The following SH3PXD2A variants were observed in gnomAD, a reference collection of about 807,000 sequenced individuals.
SH3PXD2A encodes the protein SH3 and PX domain-containing protein 2A.
Under a neutral mutation model 115.2 loss-of-function variants are expected in SH3PXD2A, and 32 were observed. That is an observed-to-expected ratio of 0.28 (90% CI 0.21 to 0.37). The LOEUF (loss-of-function observed/expected upper bound fraction) is 0.37. Among genes scored for constraint, SH3PXD2A ranks in the 10% least tolerant of loss-of-function variants. The pLI is 1.00. For synonymous variants in SH3PXD2A, 610 were observed against 629.1 expected, an observed-to-expected ratio of 0.97 and a Z score of 0.45; for missense variants, 1,328 against 1,498.7, an observed-to-expected ratio of 0.89 and a Z score of 1.88.
intron 1 of SH3PXD2A, among the ~76,000 whole-genome samples, chr10:103,845,574 C>T (rs1319326505): frequency 6.6e-6 from 1 of 152,170 alleles, no homozygotes; most frequent in Admixed American, 6.5e-5. Flanking sequence ...AGCATATCAT[C>T]AGGAAATAAC....
intron 8 of SH3PXD2A, among the ~76,000 whole-genome samples, chr10:103,646,307 G>T (rs2037035314): frequency 6.6e-6 from 1 of 152,022 alleles, no homozygotes; most frequent in Admixed American, 6.5e-5. Flanking sequence ...TTGTCTTCTT[G>T]GTTCCCAAGA....
At chr10:103,854,997 G>T (rs1207059110) in intron 1 of SH3PXD2A, among the ~76,000 whole-genome samples, 198 bp downstream of exon 1, 2 of 152,162 alleles carry the variant, frequency 1.3e-5, no homozygotes, top group South Asian at 2.1e-4. Context: ...AAAGAAACCG[G>T]GGGGGCGGGG....
At chr10:103,852,292 A>G (rs1466790497) in intron 1 of SH3PXD2A, among the ~76,000 whole-genome samples, 2 of 152,174 alleles carry the variant, frequency 1.3e-5, no homozygotes, top group African/African-American at 2.4e-5. Context: ...AAAGCACAGG[A>G]CCCTTCGTGT....
chr10:103,679,759 TTGGTCTGTTG>T (rs1041622514), intron 6 of SH3PXD2A, among the ~76,000 whole-genome samples: 4 of 152,180 alleles, frequency 2.6e-5, no homozygotes, highest in African/African-American at 9.7e-5. Flanking sequence ...CAGTCTTAGT[TTGGTCTGTTG>T]TCACCAGCCT....
At position 103,601,061 on chromosome 10, in the gene SH3PXD2A, C is replaced by G. The variant is rs1166811512; in HGVS notation, c.*755G>C. 1 of 152,280 alleles carries G rather than the reference C, an allele frequency of 6.6e-6. No homozygotes were observed. Among genetic ancestry groups the G allele is most frequent in the Non-Finnish European group, 1.5e-5 (1 of 68,076 alleles). The allele number at this position is 152,280 out of a possible 1,614,324, so 9.4% of individuals were successfully genotyped here. On this transcript the variant is annotated 3_prime_UTR_variant, in exon 15 of 15. Transcript: ENST00000369774. The stretch of plus-strand genomic sequence containing the variant: ...TAGTCTGTGCAGATTAGGAAGAGAC[C>G]GGTGGCTTCGCCCACCCTCTCTGTA...
chr10:103,727,203 G>A lies in SH3PXD2A; in HGVS notation c.307-2842C>T, dbSNP rs114521938. ...GGACACTGAGGCTGCTGGGGGTGAA[G>A]CCATAAGTGAGGAAAGGGGCAGAAT... On this transcript the variant is annotated intron_variant, in intron 4 of 14. Transcript: ENST00000369774. Among the ~76,000 whole-genome samples, 1,174 of 152,320 alleles carry A rather than the reference G, an allele frequency of 7.7e-3. 17 individuals are homozygous for A. Among genetic ancestry groups the A allele is most frequent in the African/African-American group, 0.027 (1,131 of 41,566 alleles).
At chr10:103,716,067 C>A (rs2038101530) in intron 5 of SH3PXD2A, among the ~76,000 whole-genome samples, 1 of 152,210 alleles carries the variant, frequency 6.6e-6, no homozygotes, top group African/African-American at 2.4e-5. Context: ...AGAGTGTTTT[C>A]TTGAGTCTGA....
At chr10:103,727,861 A>G (rs1003370528) in intron 4 of SH3PXD2A, among the ~76,000 whole-genome samples, 17 of 152,256 alleles carry the variant, frequency 1.1e-4, no homozygotes, top group African/African-American at 2.4e-5. Flanking sequence ...AGCAGCTTCC[A>G]TCAGAGCTGC....
At chr10:103,648,941 T>C (rs1252722436) in intron 8 of SH3PXD2A, among the ~76,000 whole-genome samples, 1 of 152,226 alleles carries the variant, frequency 6.6e-6, no homozygotes, top group Non-Finnish European at 1.5e-5. Context: ...CTGTGATGCA[T>C]TTGGCTGCAC....
chr10:103,698,203 G>A (rs1032015495), intron 5 of SH3PXD2A, among the ~76,000 whole-genome samples: 1 of 152,226 alleles, frequency 6.6e-6, no homozygotes, highest in Non-Finnish European at 1.5e-5. Flanking sequence ...ACTGAGGCAC[G>A]GGAGAGAGAG....
In SH3PXD2A at chr10:103,669,258, C is replaced by T. The variant is rs538323542; in HGVS notation, c.428-606G>A. Among the ~76,000 whole-genome samples the T allele has an allele frequency of 1.9e-3, 282 of 152,304 alleles. 1 individual carries two copies. The highest frequency in any genetic ancestry group is 3.4e-3 in the Middle Eastern group (1 of 292). On this transcript the variant is annotated intron_variant, in intron 6 of 14. Transcript: ENST00000369774. ...TTTTAGGGAGTCTTGCTCCCCAACC[C>T]CAAAGCAGAAGGACAGGGACCTTGA...
intron 3 of SH3PXD2A, among the ~76,000 whole-genome samples, chr10:103,751,779 G>A (rs149970533): frequency 3.3e-5 from 5 of 152,256 alleles, no homozygotes; most frequent in East Asian, 1.9e-4. Context: ...CAAAGAGGGC[G>A]TTTCTAGAGT....
At chr10:103,811,581 C>A (rs1259421976) in intron 1 of SH3PXD2A, among the ~76,000 whole-genome samples, 1 of 152,220 alleles carries the variant, frequency 6.6e-6, no homozygotes, top group Non-Finnish European at 1.5e-5. Flanking sequence ...GCCATTCACT[C>A]TATATCCTGA....
intron 2 of SH3PXD2A, among the ~76,000 whole-genome samples, chr10:103,770,128 T>C (rs2038802408): frequency 6.6e-6 from 1 of 151,882 alleles, no homozygotes; most frequent in South Asian, 2.1e-4. Flanking sequence ...CATTCTTCCA[T>C]CCATGTAAAT....
At chr10:103,682,337 C>T (rs1371405577) in intron 6 of SH3PXD2A, among the ~76,000 whole-genome samples, 1 of 152,276 alleles carries the variant, frequency 6.6e-6, no homozygotes, top group Non-Finnish European at 1.5e-5. Context: ...GCATCACCGC[C>T]ACGTGGGCTG....
chr10:103,783,481 A>G (rs2038952369), intron 2 of SH3PXD2A, among the ~76,000 whole-genome samples: 1 of 152,098 alleles, frequency 6.6e-6, no homozygotes, highest in African/African-American at 2.4e-5. Flanking sequence ...TGAGCTGAGG[A>G]CGAGCTGACT....
intron 2 of SH3PXD2A, among the ~76,000 whole-genome samples, chr10:103,782,501 C>T (rs533875561): frequency 3.5e-4 from 53 of 152,266 alleles, no homozygotes; most frequent in African/African-American, 1.3e-3. Flanking sequence ...CCTCTCTCTC[C>T]CATTCCTTCA....
At chr10:103,730,989 G>A (rs1457767183) in intron 4 of SH3PXD2A, among the ~76,000 whole-genome samples, 3 of 152,202 alleles carry the variant, frequency 2.0e-5, no homozygotes, top group Admixed American at 6.5e-5. Context: ...CAGGGGCGGA[G>A]GCCTGGCTAG....
chr10:103,657,131 A>C (rs890979233), intron 8 of SH3PXD2A, among the ~76,000 whole-genome samples: 1 of 152,052 alleles, frequency 6.6e-6, no homozygotes, highest in Non-Finnish European at 1.5e-5. Flanking sequence ...AGGAGCTCAA[A>C]ATTTCTTGCT....
Sources: allele counts gnomAD v4.1 joint callset (sites outside exome capture counted in the v4.1 genomes callset), GRCh38; gene constraint gnomAD v4.1.1; transcripts MANE v1.5; gene names NCBI Gene and HGNC (gene_info 2026-07-23, HGNC 2026-07-21).